The following FRK variants were observed in gnomAD, a reference collection of about 807,000 sequenced individuals.
FRK encodes fyn related Src family tyrosine kinase, also known as tyrosine-protein kinase FRK.
In FRK, 51 loss-of-function variants were observed where a neutral mutation model predicts 56.4. The ratio of observed to expected loss-of-function variants is 0.90; its 90% confidence interval spans 0.72 to 1.14. FRK has a LOEUF of 1.14. Among genes scored for constraint, FRK ranks in the 50% most tolerant of loss-of-function variants. The pLI, the probability that FRK is intolerant of heterozygous loss-of-function variation, is 0.00. For synonymous variants in FRK, 245 were observed against 217.9 expected (o/e 1.12, Z -1.10); for missense variants, 570 against 601.4 (o/e 0.95, Z 0.55).
chr6:116,045,614 C>G (rs1776918953), intron 1 of FRK, among the ~76,000 whole-genome samples: 1 of 152,076 alleles, frequency 6.6e-6, no homozygotes, highest in African/African-American at 2.4e-5. Context: ...AACGTAAGAC[C>G]TAAAATCATA....
In FRK at chr6:115,944,500, G is replaced by C. The variant is rs557096379; in HGVS notation, c.959-75C>G. ...TATGAAAGTGAATTCTGAGAATTTT[G>C]AATGTATGAGCTATCAGTGAGATTA... On this transcript the variant is annotated intron_variant, in intron 5 of 7. Coordinates refer to ENST00000606080, the MANE Select transcript of FRK (RefSeq NM_002031.3). 673 of 1,140,512 alleles carry C rather than the reference G, an allele frequency of 5.9e-4. 1 individual carries two copies. Among genetic ancestry groups the C allele is most frequent in the Middle Eastern group, 5.1e-3 (17 of 3,308 alleles). The allele number at this position is 1,140,512 out of a possible 1,614,324, so 70.6% of individuals were successfully genotyped here. A position where few individuals can be genotyped will look rare whatever the true frequency, so the allele number is the denominator to read the frequency against.
At chr6:116,082,932 A>G in the FRK span, among the ~76,000 whole-genome samples, 1 of 152,156 alleles carries the variant, frequency 6.6e-6, no homozygotes, top group South Asian at 2.1e-4. Context: ...GGAAAGGAAC[A>G]GAGATGTTTA....
chr6:116,092,181 G>T, the FRK span, among the ~76,000 whole-genome samples: 24 of 152,270 alleles, frequency 1.6e-4, no homozygotes, highest in African/African-American at 5.8e-4. Context: ...TTTGCCCAAA[G>T]CCCTGTCGGG....
At chr6:116,039,002 CA>C (rs1456881740) in intron 1 of FRK, 4 of 727,074 alleles carry the variant, frequency 5.5e-6, no homozygotes, top group Non-Finnish European at 7.8e-6. Flanking sequence ...CTGGCATGAT[CA>C]AAGACTGCAA....
chr6:115,982,789 A>C (rs185985099), intron 2 of FRK, among the ~76,000 whole-genome samples: 1 of 152,190 alleles, frequency 6.6e-6, no homozygotes, highest in Admixed American at 6.5e-5. Context: ...AAAGCTATAG[A>C]GGCTTGGTGG....
the FRK span, among the ~76,000 whole-genome samples, chr6:116,097,989 G>A: frequency 6.8e-6 from 1 of 147,318 alleles, no homozygotes; most frequent in East Asian, 2.0e-4. Context: ...ACACAATGGG[G>A]TTTAGACAAC....
At chr6:116,088,578 T>C in the FRK span, among the ~76,000 whole-genome samples, 1 of 152,264 alleles carries the variant, frequency 6.6e-6, no homozygotes, top group Non-Finnish European at 1.5e-5. Context: ...ATATGTACTA[T>C]GTCATTTTCA....
At chr6:115,958,695 A>AGAAG (rs1773147623) in intron 4 of FRK, among the ~76,000 whole-genome samples, 2 of 5,010 alleles carry the variant, frequency 4.0e-4, no homozygotes. Context: ...AAAGAAAGAA[A>AGAAG]GAAAGAAAGA....
chr6:116,061,257 T>C (rs373250678), upstream of FRK, among the ~76,000 whole-genome samples: 1 of 152,314 alleles, frequency 6.6e-6, no homozygotes, highest in East Asian at 1.9e-4. Flanking sequence ...CTTTTCTCAT[T>C]ACCAAGAATA....
intron 1 of FRK, chr6:116,039,597 T>C: frequency 2.6e-6 from 2 of 783,900 alleles, no homozygotes; most frequent in Non-Finnish European, 4.7e-6. Context: ...TGGTGTCATC[T>C]GCCCCCTCTT....
rs1420056448 is a variant in FRK at position 115,936,343 on chromosome 6, G to C, written c.*6071C>G. On this transcript the variant is annotated 3_prime_UTR_variant, in exon 8 of 8. Transcript: ENST00000606080. ...ACATCAGCAGGATCAAAGACCAAAA[G>C]TAGATAAATCCAGGAAGATGAGGAG... 6.6e-6 allele frequency: 1 copy of C among 152,254 alleles called. No individual in the cohort carries two copies. Among genetic ancestry groups the C allele is most frequent in the African/African-American group, 2.4e-5 (1 of 41,448 alleles). The allele number at this position is 152,254 out of a possible 1,614,324, so 9.4% of individuals were successfully genotyped here.
At chr6:115,945,467 T>G (rs555563735) in intron 5 of FRK, among the ~76,000 whole-genome samples, 1 of 152,286 alleles carries the variant, frequency 6.6e-6, no homozygotes, top group East Asian at 1.9e-4. Flanking sequence ...TGATAAGTGC[T>G]GTTGAGCTTT....
intron 4 of FRK, among the ~76,000 whole-genome samples, chr6:115,966,372 T>G (rs1773576394): frequency 6.6e-6 from 1 of 152,234 alleles, no homozygotes; most frequent in Non-Finnish European, 1.5e-5. Context: ...AAAGGAATGT[T>G]GTTCTAAAGT....
At chr6:115,992,341 A>G (rs1320001524) in intron 2 of FRK, among the ~76,000 whole-genome samples, 1 of 151,632 alleles carries the variant, frequency 6.6e-6, no homozygotes, top group Non-Finnish European at 1.5e-5. Context: ...GTCTTAAATC[A>G]CTTTGCATAT....
chr6:116,010,155 G>A (rs1179393896), intron 1 of FRK, among the ~76,000 whole-genome samples: 1 of 152,000 alleles, frequency 6.6e-6, no homozygotes, highest in African/African-American at 2.4e-5. Flanking sequence ...CAAGGAGGCG[G>A]AGGTTGCAGT....
At chr6:115,983,144 T>C (rs1032403849) in intron 2 of FRK, among the ~76,000 whole-genome samples, 1 of 152,136 alleles carries the variant, frequency 6.6e-6, no homozygotes, top group Admixed American at 6.5e-5. Context: ...AGTGCTTTTT[T>C]ATGTAATATT....
At chr6:115,962,138 A>G (rs1773395917) in intron 4 of FRK, among the ~76,000 whole-genome samples, 1 of 141,826 alleles carries the variant, frequency 7.1e-6, no homozygotes, top group Non-Finnish European at 1.5e-5. Flanking sequence ...AGTGTGCTGT[A>G]TTCAGGAAAC....
chr6:116,080,484 A>T, the FRK span, among the ~76,000 whole-genome samples: 1 of 152,190 alleles, frequency 6.6e-6, no homozygotes, highest in Non-Finnish European at 1.5e-5. Flanking sequence ...GAAACCCAGA[A>T]GCCTTGAACC....
intron 1 of FRK, among the ~76,000 whole-genome samples, chr6:116,044,074 G>A (rs878954562): frequency 3.3e-5 from 5 of 152,148 alleles, no homozygotes; most frequent in South Asian, 4.1e-4. Flanking sequence ...AACAAGTTCC[G>A]AAATTGTGGC....
Sources: gnomAD v4.1 joint callset for allele counts (sites outside exome capture counted in the v4.1 genomes callset) on GRCh38, gnomAD v4.1.1 for gene constraint, MANE v1.5 for transcripts, NCBI Gene and HGNC (gene_info 2026-07-23, HGNC 2026-07-21) for gene names.